The following FAM131B variants were observed in gnomAD, a reference collection of about 807,000 sequenced individuals.
The protein encoded by FAM131B is protein FAM131B.
FAM131B carries 19 observed loss-of-function variants against 42.0 expected under a neutral mutation model. The ratio of observed to expected loss-of-function variants is 0.45; its 90% CI spans 0.32 to 0.66. The LOEUF (loss-of-function observed/expected upper bound fraction) is 0.66, where lower values mean the gene tolerates loss of function less well. Among genes scored for constraint, FAM131B ranks in the 30% least tolerant of loss-of-function variants. The pLI is 0.05. For synonymous variants in FAM131B, 183 were observed against 177.6 expected (o/e 1.03, Z -0.24); for missense variants, 370 against 468.4 (o/e 0.79, Z 1.94).
chr7:143,360,178 C>A (rs1309447944), intron 1 of FAM131B, 29 bp from the exon 2 acceptor site: 1 of 1,575,706 alleles, frequency 6.3e-7, no homozygotes, highest in East Asian at 2.4e-5. Flanking sequence ...TAGCCGCCGG[C>A]CCTCACCTCC....
chr7:143,380,794 C>G, the FAM131B span: 1 of 984,940 alleles, frequency 1.0e-6, no homozygotes, highest in Non-Finnish European at 1.2e-6. The surrounding 1 kb of genome is among the most constrained non-coding windows in gnomAD (Gnocchi z 5.0). Context: ...CCCGTGCACC[C>G]TGGAGCCCAG....
At chr7:143,374,143 T>A in the FAM131B span, among the ~76,000 whole-genome samples, 1 of 152,172 alleles carries the variant, frequency 6.6e-6, no homozygotes, top group East Asian at 1.9e-4. Flanking sequence ...GACTTATAAA[T>A]GTGGATCTTC....
the FAM131B span, among the ~76,000 whole-genome samples, chr7:143,379,347 G>A: frequency 6.6e-6 from 1 of 152,296 alleles, no homozygotes; most frequent in South Asian, 2.1e-4. Context: ...CAGGCCCAGG[G>A]CTGGCTTGAG....
the FAM131B span, chr7:143,382,203 G>A: frequency 2.0e-6 from 3 of 1,528,846 alleles, no homozygotes; most frequent in African/African-American, 4.1e-5. Context: ...GCTTGGGTGA[G>A]GGGTAGAGGG....
chr7:143,368,081 G>A, the FAM131B span, among the ~76,000 whole-genome samples: 1 of 152,192 alleles, frequency 6.6e-6, no homozygotes, highest in African/African-American at 2.4e-5. Flanking sequence ...AAGAATGTCA[G>A]CGCTTTCCTG....
At position 143,359,149 on chromosome 7, in the gene FAM131B, C is replaced by A; in HGVS notation, c.269-125G>T. ...CCACTGGGCCAGGCTCCCCTAAGGA[C>A]TCCATAGATGGGGTAGTGGAGGGAA... On this transcript the variant is annotated intron_variant, in intron 4 of 6. Transcript: ENST00000443739. This position sits in a 1 kb window ranked among gnomAD's most constrained non-coding sequence, Gnocchi z 5.4. 9.1e-7 allele frequency: 1 copy of A among 1,101,642 alleles called. No individual in the cohort carries two copies. The highest frequency in any genetic ancestry group is 1.5e-5 in the South Asian group (1 of 68,776). 68.2% of individuals were successfully genotyped at this position (1,101,642 alleles called of 1,614,324 possible).
the FAM131B span, among the ~76,000 whole-genome samples, chr7:143,368,321 CAAAG>C: frequency 1.2e-4 from 19 of 152,224 alleles, no homozygotes; most frequent in African/African-American, 4.3e-4. Context: ...AGAGCACTGA[CAAAG>C]AGAGGGAAAG....
the FAM131B span, chr7:143,381,582 C>T: frequency 1.2e-6 from 2 of 1,610,500 alleles, no homozygotes; most frequent in Non-Finnish European, 1.7e-6. Context: ...ATGGCGGCCC[C>T]CCGCCCGTCT....
the FAM131B span, among the ~76,000 whole-genome samples, chr7:143,374,580 G>C: frequency 0.014 from 2,066 of 152,250 alleles, 56 homozygotes; most frequent in African/African-American, 0.047. Context: ...CTCTGCGGTA[G>C]TTCCCCATTG....
chr7:143,380,707 G>A, the FAM131B span: 1 of 985,224 alleles, frequency 1.0e-6, no homozygotes, highest in Non-Finnish European at 1.2e-6. This position sits in a 1 kb window ranked among gnomAD's most constrained non-coding sequence, Gnocchi z 5.0. Flanking sequence ...GGAGGTTCCG[G>A]CTCACACACC....
rs1177198163 is a variant in FAM131B, at chr7:143,359,029, G to A, written c.269-5C>T. 4.3e-6 allele frequency: 7 copies of A among 1,612,804 alleles called. No homozygotes were observed. In the East Asian group the frequency reaches 1.6e-4, roughly 36 times the overall value. The stretch of plus-strand genomic sequence containing the variant: ...CCTTCATGCTCCGTGAGATCCCTAT[G>A]GGGCCAGACATTTCCCACATCCTCC... On this transcript the variant is annotated splice_polypyrimidine_tract_variant and splice_region_variant and intron_variant, in intron 4 of 6. Transcript: ENST00000443739. This position sits in a 1 kb window ranked among gnomAD's most constrained non-coding sequence, Gnocchi z 5.4.
the FAM131B span, chr7:143,382,133 A>G: frequency 1.1e-6 from 1 of 901,374 alleles, no homozygotes; most frequent in Non-Finnish European, 1.6e-6. Context: ...GCTTCCCCAC[A>G]CGCTCTGGGA....
At chr7:143,375,441 T>G in the FAM131B span, among the ~76,000 whole-genome samples, 3 of 152,182 alleles carry the variant, frequency 2.0e-5, no homozygotes, top group African/African-American at 4.8e-5. Flanking sequence ...TAGGTCCACC[T>G]GTTCCCTTTT....
chr7:143,380,716 C>G, the FAM131B span: 1 of 985,458 alleles, frequency 1.0e-6, no homozygotes, highest in Non-Finnish European at 1.2e-6. This position sits in a 1 kb window ranked among gnomAD's most constrained non-coding sequence, Gnocchi z 5.0. Flanking sequence ...GGCTCACACA[C>G]CCCCTCCGGG....
the FAM131B span, chr7:143,381,064 C>T: frequency 1.8e-4 from 68 of 378,144 alleles, no homozygotes; most frequent in South Asian, 1.7e-3. Context: ...GAGGCCTGTG[C>T]TCAGGGAGTG....
chr7:143,359,397 G>T lies in FAM131B; in HGVS notation c.197C>A (p.Ser66Tyr). ...GTTTCGCTTAAGCTTCGGAAGAATG[G>T]AAGTGGTGTCCTCCATGGAGAGCTG... ...GINLSMEDTT[S>Y]ILPKLKRNSN... Residue 66 changes from serine (S) to tyrosine (Y), a missense_variant, in exon 4 of 7, where the codon TCC becomes TAC. Ser to Tyr is a moderately radical substitution (Grantham distance 144, BLOSUM62 -2). Coordinates refer to ENST00000443739, the MANE Select transcript of FAM131B (RefSeq NM_001031690.3). This position sits in a 1 kb window ranked among gnomAD's most constrained non-coding sequence, Gnocchi z 5.4. The T allele has an allele frequency of 6.2e-7, 1 of 1,613,768 alleles. No individual in the cohort carries two copies. The highest frequency in any genetic ancestry group is 8.5e-7 in the Non-Finnish European group (1 of 1,179,926).
At chr7:143,371,580 C>T in the FAM131B span, among the ~76,000 whole-genome samples, 1 of 138,958 alleles carries the variant, frequency 7.2e-6, no homozygotes, top group Non-Finnish European at 1.5e-5. Flanking sequence ...TGCCATTGCA[C>T]TCCAGCCTGG....
the FAM131B span, chr7:143,380,780 C>A: frequency 1.0e-6 from 1 of 985,266 alleles, no homozygotes; most frequent in African/African-American, 1.7e-5. The surrounding 1 kb of genome is among the most constrained non-coding windows in gnomAD (Gnocchi z 5.0). Flanking sequence ...CCTCACCCCC[C>A]ATCCCCGTGC....
chr7:143,364,472 A>G (rs538063195), upstream of FAM131B, among the ~76,000 whole-genome samples: 1 of 152,080 alleles, frequency 6.6e-6, no homozygotes, highest in African/African-American at 2.4e-5. Context: ...TGAGTAATAC[A>G]TATATTTATA....
Sources: gnomAD v4.1 joint callset for allele counts (sites outside exome capture counted in the v4.1 genomes callset) on GRCh38, gnomAD v4.1.1 for gene constraint, Gnocchi (gnomAD v3.1) non-coding constraint, MANE v1.5 for transcripts, NCBI Gene and HGNC (gene_info 2026-07-23, HGNC 2026-07-21) for gene names.